Variants in ANK1 observed in about 807,000 individuals in gnomAD.
ANK1 encodes ankyrin 1, also known as ankyrin-1.
Under a neutral mutation model 210.4 loss-of-function variants are expected in ANK1, and 51 were observed. That is an observed-to-expected ratio of 0.24 (90% confidence interval 0.19 to 0.31). ANK1 has a LOEUF of 0.31. Among genes scored for constraint, ANK1 ranks in the 10% least tolerant of loss-of-function variants. The pLI, the probability that ANK1 is intolerant of heterozygous loss-of-function variation, is 1.00. For synonymous variants in ANK1, 967 were observed against 1,025.9 expected (o/e 0.94, Z 1.10); for missense variants, 2,051 against 2,504.4 (o/e 0.82, Z 3.86).
chr8:41,709,567 T>G (rs1825605458), intron 16 of ANK1, among the ~76,000 whole-genome samples: 1 of 152,256 alleles, frequency 6.6e-6, no homozygotes, highest in Non-Finnish European at 1.5e-5. Context: ...TAATAGCATC[T>G]ATCTTGTTCA....
chr8:41,703,749 C>T (rs1232486143), intron 20 of ANK1, among the ~76,000 whole-genome samples: 5 of 151,982 alleles, frequency 3.3e-5, no homozygotes, highest in African/African-American at 1.2e-4. Context: ...CCTTAGCCTC[C>T]CAAAGTGCTG....
At chr8:41,761,127 A>G (rs968139651) in intron 1 of ANK1, among the ~76,000 whole-genome samples, 13 of 149,664 alleles carry the variant, frequency 8.7e-5, no homozygotes, top group Non-Finnish European at 1.9e-4. Flanking sequence ...ACACATGCAC[A>G]CACACACACA....
At chr8:41,879,256 A>G (rs1370807515) in intron 1 of ANK1, among the ~76,000 whole-genome samples, 1 of 152,028 alleles carries the variant, frequency 6.6e-6, no homozygotes, top group African/African-American at 2.4e-5. Flanking sequence ...AAAATCAGGG[A>G]TCACCTCCTC....
intron 1 of ANK1, among the ~76,000 whole-genome samples, chr8:41,858,593 G>A (rs1473929236): frequency 6.6e-6 from 1 of 152,160 alleles, no homozygotes; most frequent in Non-Finnish European, 1.5e-5. Flanking sequence ...CAGCCGCAGG[G>A]AGCCCACAGA....
At chr8:41,783,138 C>T (rs1029349456) in intron 1 of ANK1, among the ~76,000 whole-genome samples, 7 of 152,162 alleles carry the variant, frequency 4.6e-5, no homozygotes, top group Non-Finnish European at 8.8e-5. Flanking sequence ...GTGAATGCAG[C>T]GCATGGGGTT....
intron 2 of ANK1, among the ~76,000 whole-genome samples, chr8:41,749,589 C>T (rs1252325255): frequency 1.3e-5 from 2 of 148,732 alleles, no homozygotes; most frequent in Admixed American, 1.4e-4. Flanking sequence ...TGAGCTACTG[C>T]GCCTGGCCTC....
In ANK1 at chr8:41,776,873, G is replaced by A. The variant is rs538669280; in HGVS notation, c.28-18736C>T. ...AGCTACCACTCGAAAACACCTTGGC[G>A]TCAGCCCTCGACTTCCTAGTCCTGT... On this transcript the variant is annotated intron_variant, in intron 1 of 42. Transcript: ENST00000289734. Among the ~76,000 whole-genome samples the A allele has an allele frequency of 2.5e-4, 38 of 152,344 alleles. No individual in the cohort carries two copies. The South Asian group carries it at 4.3e-3, about 17-fold the overall frequency.
intron 1 of ANK1, among the ~76,000 whole-genome samples, chr8:41,890,937 G>T (rs1029254654): frequency 5.3e-5 from 8 of 152,268 alleles, no homozygotes; most frequent in African/African-American, 1.7e-4. Context: ...CTAGTGAATG[G>T]TTATGTACAA....
At chr8:41,703,960 A>G (rs889770159) in intron 20 of ANK1, 81 bp downstream of exon 20, 7 of 1,332,794 alleles carry the variant, frequency 5.3e-6, no homozygotes, top group Non-Finnish European at 7.5e-6. Flanking sequence ...ACGTGCATTA[A>G]CCTCTACGGT....
chr8:41,664,122 C>T (rs1302275208), intron 39 of ANK1: 2 of 461,210 alleles, frequency 4.3e-6, no homozygotes, highest in East Asian at 6.8e-5. Context: ...CGACAGGCAG[C>T]ATCACCCAGA....
chr8:41,794,088 G>C (rs1306826040), intron 1 of ANK1, among the ~76,000 whole-genome samples: 2 of 152,160 alleles, frequency 1.3e-5, no homozygotes, highest in African/African-American at 4.8e-5. Flanking sequence ...TGAATCCCTG[G>C]TTTCAAAGGC....
At chr8:41,834,042 C>T (rs567654438) in intron 1 of ANK1, among the ~76,000 whole-genome samples, 1 of 152,266 alleles carries the variant, frequency 6.6e-6, no homozygotes, top group South Asian at 2.1e-4. Context: ...TTGGGTGTGA[C>T]ATCAGAGGGT....
intron 17 of ANK1, among the ~76,000 whole-genome samples, chr8:41,707,391 A>G (rs1824883458): frequency 6.6e-6 from 1 of 151,978 alleles, no homozygotes; most frequent in African/African-American, 2.4e-5. Context: ...CCTCTACAGG[A>G]CTCCACTTGC....
At chr8:41,812,903 T>C (rs1202743940) in intron 1 of ANK1, among the ~76,000 whole-genome samples, 1 of 152,184 alleles carries the variant, frequency 6.6e-6, no homozygotes, top group Non-Finnish European at 1.5e-5. Flanking sequence ...GCAGCAATGC[T>C]TCCTGGCTCA....
chr8:41,814,522 A>G (rs977787691), intron 1 of ANK1, among the ~76,000 whole-genome samples: 42 of 152,144 alleles, frequency 2.8e-4, no homozygotes, highest in African/African-American at 9.9e-4. Flanking sequence ...GTTATCAGAA[A>G]CCTGTATTCC....
In ANK1 at chr8:41,684,551, C is replaced by T; in HGVS notation, c.4530G>A (p.Gln1510=). The part of the protein sequence containing the change: ...TDRDYSLSPS[Q]MNGYSSLQDE... ...GGTCCAGGTGACACTCACCATTCAT[C>T]TGGGAGGGTGACAGCGAGTAGTCGC... is the stretch of plus-strand genomic sequence containing the variant. The change falls in exon 37 of 43, where the codon CAG becomes CAA. Residue 1510 remains glutamine (Q), a synonymous_variant. Coordinates refer to ENST00000289734, the MANE Select transcript of ANK1 (RefSeq NM_000037.4). 6.2e-7 allele frequency: 1 copy of T among 1,613,806 alleles called. No homozygotes were observed. Among genetic ancestry groups the T allele is most frequent in the Non-Finnish European group, 8.5e-7 (1 of 1,180,048 alleles).
chr8:41,736,553 C>T (rs1304440559), intron 2 of ANK1, among the ~76,000 whole-genome samples: 5 of 152,166 alleles, frequency 3.3e-5, no homozygotes, highest in African/African-American at 1.2e-4. Flanking sequence ...TGCTGCTGGC[C>T]GCTTACTGCG....
chr8:41,716,847 C>T (rs1827815161), intron 13 of ANK1, 106 bp downstream of exon 13: 2 of 1,159,390 alleles, frequency 1.7e-6, no homozygotes, highest in Non-Finnish European at 1.3e-6. Context: ...AAAAGTGATC[C>T]CCAGGCCACA....
At chr8:41,894,057 T>A (rs1819967348) in intron 1 of ANK1, among the ~76,000 whole-genome samples, 1 of 152,066 alleles carries the variant, frequency 6.6e-6, no homozygotes. Flanking sequence ...ATTTTAACTC[T>A]ATTCTCTGAG....
Sources: allele counts gnomAD v4.1 joint callset (sites outside exome capture counted in the v4.1 genomes callset), GRCh38; gene constraint gnomAD v4.1.1; transcripts MANE v1.5; gene names NCBI Gene and HGNC (gene_info 2026-07-23, HGNC 2026-07-21).